CYP20A1: variants seen among roughly 807,000 people sequenced by gnomAD.
CYP20A1 encodes cytochrome P450 family 20 subfamily A member 1.
In CYP20A1, 61 loss-of-function variants were observed where a neutral mutation model predicts 61.4. The ratio of observed to expected loss-of-function variants is 0.99; its 90% confidence interval spans 0.81 to 1.23. The LOEUF (loss-of-function observed/expected upper bound fraction) is 1.23. CYP20A1 is among the 50% of genes most tolerant of loss of function. The pLI, the probability that CYP20A1 is intolerant of heterozygous loss-of-function variation, is 0.00. For synonymous variants in CYP20A1, 193 were observed against 188.2 expected (o/e 1.03, Z -0.21); for missense variants, 530 against 542.4 (o/e 0.98, Z 0.23).
intron 3 of CYP20A1, among the ~76,000 whole-genome samples, chr2:203,249,962 G>A (rs2066600275): frequency 6.6e-6 from 1 of 152,176 alleles, no homozygotes; most frequent in Admixed American, 6.6e-5. Context: ...AAATAAAAAT[G>A]AGAAATTTTA....
chr2:203,276,057 A>T (rs377246529), intron 6 of CYP20A1, among the ~76,000 whole-genome samples: 1 of 152,340 alleles, frequency 6.6e-6, no homozygotes, highest in African/African-American at 2.4e-5. Flanking sequence ...TTTTGAGTAA[A>T]CACTTGCAAG....
chr2:203,253,790 CT>C (rs2066790041), intron 4 of CYP20A1, among the ~76,000 whole-genome samples: 1 of 151,450 alleles, frequency 6.6e-6, no homozygotes, highest in East Asian at 2.0e-4. Flanking sequence ...AAAAATTTGT[CT>C]TTTTCTTTTT....
intron 4 of CYP20A1, among the ~76,000 whole-genome samples, chr2:203,252,624 A>T (rs2066735360): frequency 6.6e-6 from 1 of 151,942 alleles, no homozygotes; most frequent in African/African-American, 2.4e-5. Flanking sequence ...CAAACTCCTG[A>T]CCTCAAGTGG....
At chr2:203,244,451 A>G (rs549068489) in intron 1 of CYP20A1, among the ~76,000 whole-genome samples, 3 of 152,078 alleles carry the variant, frequency 2.0e-5, no homozygotes, top group Admixed American at 1.3e-4. Flanking sequence ...CATCCACCTC[A>G]GCCTCCAAAA....
chr2:203,285,600 T>C lies in CYP20A1; in HGVS notation c.851-12T>C, dbSNP rs1388642545. On this transcript the variant is annotated splice_polypyrimidine_tract_variant and intron_variant, in intron 8 of 12. Transcript: ENST00000356079. Reference sequence around the variant, plus strand: ...GCTATTTTCATTGTTATTCATATAATGTTTGACCTAGTGTGTACCTGGGCA... The same window carrying C: ...GCTATTTTCATTGTTATTCATATAACGTTTGACCTAGTGTGTACCTGGGCA... 1 of 1,555,824 alleles carries C rather than the reference T, an allele frequency of 6.4e-7. No individual in the cohort carries two copies. Among genetic ancestry groups the C allele is most frequent in the South Asian group, 1.3e-5 (1 of 79,482 alleles).
chr2:203,245,921 AG>A, intron 2 of CYP20A1, 26 bp downstream of exon 2: 1 of 1,456,004 alleles, frequency 6.9e-7, no homozygotes, highest in Non-Finnish European at 9.6e-7. Flanking sequence ...CTTGGAATTA[AG>A]TAGAGTTAAT....
intron 6 of CYP20A1, among the ~76,000 whole-genome samples, chr2:203,273,679 C>G (rs2067699927): frequency 6.6e-6 from 1 of 152,132 alleles, no homozygotes; most frequent in Non-Finnish European, 1.5e-5. Context: ...TGCGGTAGCT[C>G]ACACCTGCAA....
chr2:203,302,637 C>G lies in CYP20A1; in HGVS notation c.*5729C>G, dbSNP rs967323170. On this transcript the variant is annotated 3_prime_UTR_variant, in exon 13 of 13. Coordinates refer to ENST00000356079, the MANE Select transcript of CYP20A1 (RefSeq NM_177538.3). ...TATTCTGAACCAATAGTCTTTTCTA[C>G]AAGCAGAACATTAGTATTCTTGTCA... 1.3e-5 allele frequency among the ~76,000 whole-genome samples: 2 copies of G among 152,144 alleles called. No homozygotes were observed. Among genetic ancestry groups the G allele is most frequent in the South Asian group, 4.1e-4 (2 of 4,832 alleles).
At chr2:203,296,379 A>G in intron 11 of CYP20A1, 95 bp from the exon 12 acceptor site, 1 of 681,344 alleles carries the variant, frequency 1.5e-6, no homozygotes, top group South Asian at 2.1e-5. Context: ...TTTTCAGTTG[A>G]TTTTTAACTT....
intron 3 of CYP20A1, among the ~76,000 whole-genome samples, chr2:203,248,282 C>A (rs951016229): frequency 1.2e-4 from 18 of 152,090 alleles, no homozygotes; most frequent in African/African-American, 4.1e-4. Flanking sequence ...GCCTGGTGTC[C>A]CAGCACTTTG....
At chr2:203,286,748 C>T (rs2068288391) in intron 9 of CYP20A1, among the ~76,000 whole-genome samples, 1 of 152,056 alleles carries the variant, frequency 6.6e-6, no homozygotes, top group Non-Finnish European at 1.5e-5. Flanking sequence ...TGTAGTTACG[C>T]AATTGTATAC....
intron 9 of CYP20A1, among the ~76,000 whole-genome samples, chr2:203,288,980 C>T (rs1416120008): frequency 2.0e-5 from 3 of 152,112 alleles, no homozygotes; most frequent in African/African-American, 4.8e-5. Context: ...TTTTTATTCT[C>T]GTTGTGATGT....
At chr2:203,250,633 G>A (rs906676303) in intron 3 of CYP20A1, among the ~76,000 whole-genome samples, 1 of 152,188 alleles carries the variant, frequency 6.6e-6, no homozygotes, top group African/African-American at 2.4e-5. Flanking sequence ...GAGTTTCTAG[G>A]CTAATGTTGG....
rs908981397 is a variant in CYP20A1, at chr2:203,267,114, A to G, written c.600+433A>G. On this transcript the variant is annotated intron_variant, in intron 5 of 12. Transcript: ENST00000356079. ...GAGTTCAAGGCTACAGAGAGCTACC[A>G]TTGCAGCACTGCACTCCAGCCTGGG... is the stretch of plus-strand genomic sequence containing the variant. 2.0e-5 allele frequency among the ~76,000 whole-genome samples: 3 copies of G among 152,176 alleles called. No homozygotes were observed. The East Asian group carries it at 5.8e-4, about 29-fold the overall frequency.
At chr2:203,292,985 C>T (rs55688628) in intron 11 of CYP20A1, among the ~76,000 whole-genome samples, 9 of 151,616 alleles carry the variant, frequency 5.9e-5, no homozygotes, top group African/African-American at 1.9e-4. Flanking sequence ...ACCAGCCTGG[C>T]TAACATAGCG....
Position 203,266,571 on chromosome 2 carries a change from CT to C in CYP20A1, c.491del (p.Leu164ProfsTer10). 1 of 1,613,990 alleles carries C rather than the reference CT, an allele frequency of 6.2e-7. No individual in the cohort carries two copies. Among genetic ancestry groups the C allele is most frequent in the Non-Finnish European group, 8.5e-7 (1 of 1,179,924 alleles). On this transcript the variant is annotated frameshift_variant, in exon 5 of 13. Coordinates refer to ENST00000356079, the MANE Select transcript of CYP20A1 (RefSeq NM_177538.3). LOFTEE classifies it high-confidence loss of function. Reference protein sequence around the residue: ...LSYPETQHVPLSQHMLGFAMK... With the variant: ...LSYPETQHVPXSQHMLGFAMK... ...CTACCCAGAGACCCAGCACGTGCCC[CT>C]CAGCCAGCATATGCTTGGTTTTGCT... is the stretch of plus-strand genomic sequence containing the variant.
intron 11 of CYP20A1, among the ~76,000 whole-genome samples, chr2:203,295,309 A>G (rs1467751239): frequency 6.6e-6 from 1 of 151,838 alleles, no homozygotes; most frequent in Non-Finnish European, 1.5e-5. Context: ...TCCTGGGCTC[A>G]AGCAATCCTC....
chr2:203,241,012 C>G (rs1368151596), intron 1 of CYP20A1, among the ~76,000 whole-genome samples: 1 of 152,206 alleles, frequency 6.6e-6, no homozygotes, highest in East Asian at 1.9e-4. Flanking sequence ...ATTATCATTT[C>G]AGCTTGGATC....
intron 9 of CYP20A1, among the ~76,000 whole-genome samples, chr2:203,288,755 T>C (rs2068408332): frequency 6.6e-6 from 1 of 152,222 alleles, no homozygotes; most frequent in Non-Finnish European, 1.5e-5. Context: ...AGTGAGCTTC[T>C]AGTTGAAGGA....
Sources: gnomAD v4.1 joint callset for allele counts (sites outside exome capture counted in the v4.1 genomes callset) on GRCh38, gnomAD v4.1.1 for gene constraint, MANE v1.5 for transcripts, NCBI Gene and HGNC (gene_info 2026-07-23, HGNC 2026-07-21) for gene names.